PPARGC1A: variants seen among roughly 807,000 people sequenced by gnomAD.
The protein encoded by PPARGC1A is PPARG coactivator 1 alpha, also known as peroxisome proliferator-activated receptor gamma coactivator 1-alpha.
A neutral mutation model predicts 88.7 loss-of-function variants in PPARGC1A; 25 were observed. The ratio of observed to expected loss-of-function variants is 0.28; its 90% CI spans 0.21 to 0.39. The LOEUF (loss-of-function observed/expected upper bound fraction) is 0.39, where lower values mean the gene tolerates loss of function less well. Ranked by LOEUF, PPARGC1A falls within the 10% of genes least tolerant of loss-of-function variation. The pLI, the probability that PPARGC1A is intolerant of heterozygous loss-of-function variation, is 1.00. For synonymous variants in PPARGC1A, 363 were observed against 355.6 expected (o/e 1.02, Z -0.24); for missense variants, 880 against 968.7 (o/e 0.91, Z 1.22).
chr4:24,431,133 AAAAAAAAAAGAG>A, the PPARGC1A span, among the ~76,000 whole-genome samples: 1 of 151,352 alleles, frequency 6.6e-6, no homozygotes, highest in South Asian at 2.1e-4. Flanking sequence ...TCAAAAAAAA[AAAAAAAAAAGAG>A]AAAAAAAAAA....
chr4:24,202,309 T>C, the PPARGC1A span, among the ~76,000 whole-genome samples: 1 of 152,220 alleles, frequency 6.6e-6, no homozygotes, highest in South Asian at 2.1e-4. Flanking sequence ...CACTGTTTCC[T>C]AGCTGCTTCA....
the PPARGC1A span, among the ~76,000 whole-genome samples, chr4:24,462,084 T>C: frequency 3.9e-5 from 6 of 152,006 alleles, no homozygotes; most frequent in Non-Finnish European, 8.8e-5. Context: ...AGCATGTTTT[T>C]TGTTTGTTTG....
At chr4:24,448,649 G>C in the PPARGC1A span, among the ~76,000 whole-genome samples, 4 of 152,094 alleles carry the variant, frequency 2.6e-5, no homozygotes, top group Non-Finnish European at 5.9e-5. Context: ...TGGCCACATA[G>C]GGAGTTGCTT....
At chr4:24,108,777 T>C in the PPARGC1A span, among the ~76,000 whole-genome samples, 1 of 152,064 alleles carries the variant, frequency 6.6e-6, no homozygotes, top group African/African-American at 2.4e-5. Context: ...ATCCATGAGT[T>C]CCCAAGGTTC....
the PPARGC1A span, among the ~76,000 whole-genome samples, chr4:23,922,335 C>T: frequency 2.6e-5 from 4 of 152,326 alleles, no homozygotes; most frequent in Non-Finnish European, 5.9e-5. Flanking sequence ...AAGACAACTT[C>T]ACTTTCTTGC....
At chr4:24,241,773 G>A in the PPARGC1A span, among the ~76,000 whole-genome samples, 1 of 152,198 alleles carries the variant, frequency 6.6e-6, no homozygotes, top group Non-Finnish European at 1.5e-5. Context: ...CGGGAGGGGG[G>A]AAACAGTGTT....
chr4:24,365,975 G>C, the PPARGC1A span, among the ~76,000 whole-genome samples: 4 of 152,214 alleles, frequency 2.6e-5, no homozygotes, highest in South Asian at 8.3e-4. Context: ...TCCAGTTTTG[G>C]CTTTTCTCCT....
chr4:24,382,623 CCATTTG>C, the PPARGC1A span, among the ~76,000 whole-genome samples: 1 of 152,196 alleles, frequency 6.6e-6, no homozygotes, highest in Non-Finnish European at 1.5e-5. Flanking sequence ...ATGTAGTTAT[CCATTTG>C]CAAGTATGAC....
At chr4:24,193,371 G>A in the PPARGC1A span, among the ~76,000 whole-genome samples, 1 of 152,118 alleles carries the variant, frequency 6.6e-6, no homozygotes, top group East Asian at 1.9e-4. Flanking sequence ...TTCTAGAGAT[G>A]CCAGAAGAAT....
At chr4:24,281,539 T>A in the PPARGC1A span, among the ~76,000 whole-genome samples, 1 of 152,114 alleles carries the variant, frequency 6.6e-6, no homozygotes, top group Admixed American at 6.5e-5. Flanking sequence ...AAGGATCCAC[T>A]CCCATGACCA....
chr4:24,446,688 C>G, the PPARGC1A span, among the ~76,000 whole-genome samples: 1 of 151,592 alleles, frequency 6.6e-6, no homozygotes, highest in African/African-American at 2.4e-5. Context: ...CCTCCGCCCC[C>G]TAGGTTCAAG....
chr4:24,431,462 C>G, the PPARGC1A span, among the ~76,000 whole-genome samples: 2 of 152,144 alleles, frequency 1.3e-5, no homozygotes, highest in Non-Finnish European at 2.9e-5. Context: ...AACATGGATA[C>G]AGATGAAATT....
At chr4:23,838,128 C>G (rs1726377365) in intron 2 of PPARGC1A, among the ~76,000 whole-genome samples, 1 of 152,192 alleles carries the variant, frequency 6.6e-6, no homozygotes, top group Non-Finnish European at 1.5e-5. Context: ...CATGTGTCTA[C>G]TTAAAGTGCT....
the PPARGC1A span, among the ~76,000 whole-genome samples, chr4:24,420,796 T>C: frequency 6.6e-6 from 1 of 152,136 alleles, no homozygotes; most frequent in Non-Finnish European, 1.5e-5. Flanking sequence ...CTTGGGTTGC[T>C]ATCACAGAAA....
chr4:24,166,790 C>T, the PPARGC1A span, among the ~76,000 whole-genome samples: 1 of 152,186 alleles, frequency 6.6e-6, no homozygotes, highest in Non-Finnish European at 1.5e-5. Context: ...TTGAGACTTA[C>T]TGCTTAGAAA....
At chr4:24,191,054 C>G in the PPARGC1A span, among the ~76,000 whole-genome samples, 1 of 152,200 alleles carries the variant, frequency 6.6e-6, no homozygotes, top group Non-Finnish European at 1.5e-5. Flanking sequence ...AGCAGCCCCT[C>G]TATTTGTGCA....
chr4:24,374,065 G>A, the PPARGC1A span, among the ~76,000 whole-genome samples: 2 of 152,232 alleles, frequency 1.3e-5, no homozygotes, highest in African/African-American at 2.4e-5. Context: ...CATACAGGAT[G>A]TCATAGATTT....
chr4:24,313,667 C>G, the PPARGC1A span, among the ~76,000 whole-genome samples: 1 of 152,222 alleles, frequency 6.6e-6, no homozygotes, highest in African/African-American at 2.4e-5. Context: ...AGAATGTATG[C>G]AATTGGAAAT....
the PPARGC1A span, among the ~76,000 whole-genome samples, chr4:24,124,268 C>A: frequency 6.6e-6 from 1 of 152,132 alleles, no homozygotes; most frequent in Middle Eastern, 3.2e-3. Flanking sequence ...ATACACTAGT[C>A]AGAAGTAAAG....
Sources: gnomAD v4.1 joint callset for allele counts (sites outside exome capture counted in the v4.1 genomes callset) on GRCh38, gnomAD v4.1.1 for gene constraint, MANE v1.5 for transcripts, NCBI Gene and HGNC (gene_info 2026-07-23, HGNC 2026-07-21) for gene names.